Variants in DEPDC4 observed in about 807,000 individuals in gnomAD.
The protein encoded by DEPDC4 is DEP domain containing 4, also known as DEP domain-containing protein 4.
A neutral mutation model predicts 52.0 loss-of-function variants in DEPDC4; 52 were observed. The ratio of observed to expected loss-of-function variants is 1.00; its 90% CI spans 0.80 to 1.26. DEPDC4 has a LOEUF of 1.26. DEPDC4 is among the 50% of genes most tolerant of loss of function. The pLI is 0.00. For synonymous variants in DEPDC4, 201 were observed against 196.8 expected, an observed-to-expected ratio of 1.02 and a Z score of -0.18; for missense variants, 530 against 546.9, an observed-to-expected ratio of 0.97 and a Z score of 0.31.
Position 100,263,508 on chromosome 12 carries a change from A to C in DEPDC4, c.543T>G (p.Asn181Lys). ...KRQKDAENEF[N>K]ETLRPGYEMI... ...TAGGTAACACTAACCTCAAGGTTTC[A>C]TTGAACTCATTCTCAGCATCCTTTT... Residue 181 changes from asparagine to lysine, a missense_variant, in exon 2 of 10, where the codon AAT becomes AAG. Asn to Lys is a moderately conservative substitution (Grantham distance 94). Transcript: ENST00000550587. The C allele has an allele frequency of 6.3e-7, 1 of 1,585,924 alleles. No homozygotes were observed. Among genetic ancestry groups the C allele is most frequent in the Non-Finnish European group, 8.6e-7 (1 of 1,168,376 alleles).
intron 3 of DEPDC4, chr12:100,257,887 C>T (rs968046045): frequency 1.3e-5 from 2 of 152,116 alleles, no homozygotes; most frequent in Non-Finnish European, 2.9e-5. Flanking sequence ...AAATTTGGCC[C>T]ACAGCCATGA....
chr12:100,267,171 T>C, upstream of DEPDC4: 3 of 1,347,210 alleles, frequency 2.2e-6, no homozygotes, highest in South Asian at 1.3e-5. Flanking sequence ...GGCCGGCAGG[T>C]CTTTTAGTCT....
At chr12:100,281,026 T>G in the DEPDC4 span, among the ~76,000 whole-genome samples, 13 of 100,660 alleles carry the variant, frequency 1.3e-4, no homozygotes, top group African/African-American at 4.8e-4. Context: ...AGTGTTTTTT[T>G]TTTTTTTTTT....
chr12:100,274,590 A>T, the DEPDC4 span, among the ~76,000 whole-genome samples: 1 of 152,196 alleles, frequency 6.6e-6, no homozygotes, highest in Admixed American at 6.5e-5. Context: ...TGGCTTTCTC[A>T]TAGAATTAAA....
chr12:100,278,124 G>A, the DEPDC4 span, among the ~76,000 whole-genome samples: 19,765 of 152,066 alleles, frequency 0.13, 1,594 homozygotes, highest in Non-Finnish European at 0.18. Flanking sequence ...GTATTATGAC[G>A]TGAAAAGTAT....
chr12:100,270,692 C>T (rs2096286692), upstream of DEPDC4, among the ~76,000 whole-genome samples: 1 of 146,576 alleles, frequency 6.8e-6, no homozygotes, highest in African/African-American at 2.5e-5. Flanking sequence ...CCAGGCTGGT[C>T]TCGAACTCCT....
chr12:100,253,452 T>A, intron 5 of DEPDC4, 37 bp downstream of exon 5: 1 of 953,768 alleles, frequency 1.0e-6, no homozygotes, highest in African/African-American at 1.7e-5. Context: ...AAATGTTTTA[T>A]TACACCAAAA....
chr12:100,244,070 CCT>C (rs200666698), intron 8 of DEPDC4, among the ~76,000 whole-genome samples: 1,578 of 84,060 alleles, frequency 0.019, 66 homozygotes, highest in African/African-American at 0.056. Context: ...GAGGTGTCTC[CCT>C]CTCTCTCTCT....
At chr12:100,259,737 A>G (rs1277526465) in intron 3 of DEPDC4, among the ~76,000 whole-genome samples, 1 of 152,192 alleles carries the variant, frequency 6.6e-6, no homozygotes, top group Non-Finnish European at 1.5e-5. Flanking sequence ...AAAATCATAA[A>G]GTAACAATAT....
upstream of DEPDC4, chr12:100,267,397 G>A (rs563638555): frequency 4.1e-4 from 97 of 233,800 alleles, no homozygotes; most frequent in Non-Finnish European, 6.6e-4. Flanking sequence ...GAAGGAAGAG[G>A]TAAGTGACCG....
chr12:100,267,329 C>G, upstream of DEPDC4: 1 of 396,370 alleles, frequency 2.5e-6, no homozygotes, highest in African/African-American at 2.1e-5. Context: ...CAGGAACAGC[C>G]AGGAGGCGTT....
chr12:100,280,254 A>G, the DEPDC4 span, among the ~76,000 whole-genome samples: 1 of 152,250 alleles, frequency 6.6e-6, no homozygotes, highest in South Asian at 2.1e-4. Flanking sequence ...ACTTAGAGTA[A>G]TATTTTTAAA....
intron 5 of DEPDC4, among the ~76,000 whole-genome samples, 167 bp from the exon 6 acceptor site, chr12:100,252,703 A>G (rs949505896): frequency 1.1e-4 from 17 of 152,356 alleles, no homozygotes; most frequent in African/African-American, 3.8e-4. Flanking sequence ...ACAGGAAATT[A>G]TCTTTATAAT....
At chr12:100,272,337 G>T in the DEPDC4 span, among the ~76,000 whole-genome samples, 1 of 152,168 alleles carries the variant, frequency 6.6e-6, no homozygotes, top group South Asian at 2.1e-4. Context: ...GGACTCTTAG[G>T]TTTCTTATAT....
downstream of DEPDC4, among the ~76,000 whole-genome samples, chr12:100,235,939 G>A (rs756172495): frequency 9.9e-5 from 15 of 152,166 alleles, 1 homozygote; most frequent in South Asian, 1.7e-3. Flanking sequence ...GAGAACATAC[G>A]ATGTTTGGTT....
rs528805304 is a variant in DEPDC4, at chr12:100,254,124, T to C, written c.879-409A>G. Among the ~76,000 whole-genome samples the C allele has an allele frequency of 3.9e-5, 6 of 152,084 alleles. No homozygotes were observed. In the South Asian group the frequency reaches 1.2e-3, roughly 32 times the overall value. ...AACTGTTTACCCCACCACACATTGTTTTCCCTTTCTTATTTGCCCACCCCA... is the reference window on the plus strand; with the variant it reads ...AACTGTTTACCCCACCACACATTGTCTTCCCTTTCTTATTTGCCCACCCCA... On this transcript the variant is annotated intron_variant, in intron 4 of 9. Coordinates refer to ENST00000550587, the MANE Select transcript of DEPDC4 (RefSeq NM_001364818.2).
upstream of DEPDC4, among the ~76,000 whole-genome samples, chr12:100,269,987 CT>C (rs548843835): frequency 3.3e-3 from 474 of 142,806 alleles, no homozygotes; most frequent in Middle Eastern, 3.6e-3. Context: ...AGATTTTATA[CT>C]TTTTTTTTTT....
chr12:100,237,684 C>A (rs2096143640), downstream of DEPDC4: 2 of 151,926 alleles, frequency 1.3e-5, no homozygotes, highest in South Asian at 4.2e-4. Context: ...TTGGAAGGTA[C>A]CTTTGGTATT....
intron 5 of DEPDC4, among the ~76,000 whole-genome samples, chr12:100,253,058 A>C (rs1170372218): frequency 1.3e-5 from 2 of 151,968 alleles, no homozygotes; most frequent in African/African-American, 4.8e-5. Context: ...CTGGGACTAC[A>C]GGCGCCCGCC....
Sources: allele counts gnomAD v4.1 joint callset (sites outside exome capture counted in the v4.1 genomes callset), GRCh38; gene constraint gnomAD v4.1.1; transcripts MANE v1.5; gene names NCBI Gene and HGNC (gene_info 2026-07-23, HGNC 2026-07-21).